PHF20: variants seen among roughly 807,000 people sequenced by gnomAD.
PHF20 encodes the protein PHD finger protein 20.
PHF20 carries 23 observed loss-of-function variants against 113.5 expected under a neutral mutation model. That is an observed-to-expected ratio of 0.20 (90% CI 0.15 to 0.29). PHF20 has a LOEUF of 0.29. PHF20 is among the 10% of genes least tolerant of loss of function. The pLI, the probability that PHF20 is intolerant of heterozygous loss-of-function variation, is 1.00. For synonymous variants in PHF20, 434 were observed against 457.3 expected (o/e 0.95, Z 0.65); for missense variants, 943 against 1,219.6 (o/e 0.77, Z 3.38).
chr20:35,802,194 AG>A (rs1351770773), intron 2 of PHF20, among the ~76,000 whole-genome samples: 2 of 152,150 alleles, frequency 1.3e-5, no homozygotes, highest in African/African-American at 4.8e-5. Flanking sequence ...TTGACCTCAT[AG>A]GGTTATTCTG....
chr20:35,931,486 A>C, intron 15 of PHF20, 42 bp downstream of exon 15: 1 of 1,522,694 alleles, frequency 6.6e-7, no homozygotes, highest in Non-Finnish European at 9.0e-7. Flanking sequence ...TCTGTTTGGC[A>C]TGGTCTGGGG....
chr20:35,825,523 CACTGGGGTT>C (rs1283694543), intron 2 of PHF20, among the ~76,000 whole-genome samples: 1 of 152,058 alleles, frequency 6.6e-6, no homozygotes, highest in African/African-American at 2.4e-5. Context: ...CCTCCCAAAG[CACTGGGGTT>C]ACAGGTGTAA....
intron 6 of PHF20, among the ~76,000 whole-genome samples, chr20:35,868,232 G>A (rs2146983785): frequency 6.6e-6 from 1 of 152,066 alleles, no homozygotes; most frequent in African/African-American, 2.4e-5. Context: ...GGCAGAGCTT[G>A]CGGTGAGCTG....
intron 2 of PHF20, among the ~76,000 whole-genome samples, chr20:35,836,132 C>A (rs1437045960): frequency 1.3e-5 from 2 of 151,938 alleles, no homozygotes. Context: ...CCTCAGTCTT[C>A]TGAGTAGCTG....
intron 10 of PHF20, among the ~76,000 whole-genome samples, chr20:35,904,652 G>T (rs1600909353): frequency 6.6e-6 from 1 of 152,126 alleles, no homozygotes; most frequent in African/African-American, 2.4e-5. Context: ...GGGTTGGTAA[G>T]GTTGGGCAGA....
At chr20:35,816,873 C>T (rs1418255797) in intron 2 of PHF20, among the ~76,000 whole-genome samples, 1 of 151,538 alleles carries the variant, frequency 6.6e-6, no homozygotes, top group East Asian at 1.9e-4. Flanking sequence ...CTTACTGCAA[C>T]CTCTGCCTCC....
intron 2 of PHF20, among the ~76,000 whole-genome samples, chr20:35,821,360 G>A (rs774921429): frequency 1.3e-5 from 2 of 151,744 alleles, no homozygotes; most frequent in East Asian, 1.9e-4. Context: ...GCTTGAACCC[G>A]GGAGGTGGAG....
intron 11 of PHF20, 139 bp downstream of exon 11, chr20:35,913,486 C>G (rs2055346275): frequency 1.5e-5 from 10 of 687,626 alleles, no homozygotes; most frequent in Non-Finnish European, 2.3e-5. Flanking sequence ...GTGGGCTCAA[C>G]CTAGTATGGG....
chr20:35,875,577 T>C (rs946088139), intron 9 of PHF20, among the ~76,000 whole-genome samples: 5 of 152,104 alleles, frequency 3.3e-5, no homozygotes, highest in African/African-American at 9.7e-5. Context: ...TCAGGGCTCT[T>C]TTCTTCCCAG....
chr20:35,779,768 G>T (rs537937065), intron 1 of PHF20, among the ~76,000 whole-genome samples: 5 of 152,204 alleles, frequency 3.3e-5, no homozygotes, highest in African/African-American at 9.6e-5. Context: ...TGATCCACCC[G>T]CCTCGGCCTC....
At chr20:35,874,195 G>A (rs1458172346) in intron 9 of PHF20, among the ~76,000 whole-genome samples, 3 of 152,084 alleles carry the variant, frequency 2.0e-5, no homozygotes, top group Non-Finnish European at 2.9e-5. Flanking sequence ...AAGCTGGTCT[G>A]GAACTCCTGA....
intron 2 of PHF20, among the ~76,000 whole-genome samples, chr20:35,802,800 A>G (rs937273874): frequency 6.6e-6 from 1 of 151,008 alleles, no homozygotes; most frequent in Non-Finnish European, 1.5e-5. Context: ...TTAGCCGGGC[A>G]TGGTGGTGCA....
chr20:35,835,641 TA>T (rs1054399848), intron 2 of PHF20, among the ~76,000 whole-genome samples: 1 of 137,172 alleles, frequency 7.3e-6, no homozygotes, highest in East Asian at 1.9e-4. Flanking sequence ...ATTTACAGAA[TA>T]AAAGAGTCCG....
intron 10 of PHF20, among the ~76,000 whole-genome samples, chr20:35,911,127 G>A (rs2147078554): frequency 6.6e-6 from 1 of 151,996 alleles, no homozygotes; most frequent in Non-Finnish European, 1.5e-5. Flanking sequence ...TGCAAGCTCC[G>A]CCTCCTGGGT....
At chr20:35,816,180 C>T (rs1470387246) in intron 2 of PHF20, among the ~76,000 whole-genome samples, 1 of 152,104 alleles carries the variant, frequency 6.6e-6, no homozygotes, top group Non-Finnish European at 1.5e-5. Flanking sequence ...TGGTCTCGAT[C>T]TCTTGACCTC....
At chr20:35,943,164 G>C (rs777467974) in intron 17 of PHF20, among the ~76,000 whole-genome samples, 15 of 152,034 alleles carry the variant, frequency 9.9e-5, no homozygotes, top group Non-Finnish European at 1.9e-4. Context: ...ATAGGAATTT[G>C]GATGTAACAT....
chr20:35,891,609 A>G (rs2054863071), intron 9 of PHF20, among the ~76,000 whole-genome samples: 1 of 152,168 alleles, frequency 6.6e-6, no homozygotes, highest in African/African-American at 2.4e-5. Flanking sequence ...TGTGGGAACA[A>G]CATGCCAAAT....
intron 1 of PHF20, among the ~76,000 whole-genome samples, chr20:35,778,047 G>A (rs1468685274): frequency 6.6e-6 from 1 of 152,006 alleles, no homozygotes; most frequent in African/African-American, 2.4e-5. Flanking sequence ...TAGGGAGGAT[G>A]TTTACATTTT....
At chr20:35,937,329 A>G (rs2055883573) in intron 15 of PHF20, among the ~76,000 whole-genome samples, 1 of 152,042 alleles carries the variant, frequency 6.6e-6, no homozygotes, top group African/African-American at 2.4e-5. Context: ...TTAGCTGGGC[A>G]TGGTGACGCA....
Sources: gnomAD v4.1 joint callset for allele counts (sites outside exome capture counted in the v4.1 genomes callset) on GRCh38, gnomAD v4.1.1 for gene constraint, MANE v1.5 for transcripts, NCBI Gene and HGNC (gene_info 2026-07-23, HGNC 2026-07-21) for gene names.